Variants in GPM6A observed in about 807,000 individuals in gnomAD.
The protein encoded by GPM6A is glycoprotein M6A.
A neutral mutation model predicts 32.1 loss-of-function variants in GPM6A; 7 were observed. The ratio of observed to expected loss-of-function variants is 0.22; its 90% CI spans 0.12 to 0.41. The LOEUF is 0.41. GPM6A is among the 10% of genes least tolerant of loss of function. The pLI is 1.00. For synonymous variants in GPM6A, 130 were observed against 123.4 expected (o/e 1.05, Z -0.35); for missense variants, 235 against 347.2 (o/e 0.68, Z 2.57).
intron 1 of GPM6A, among the ~76,000 whole-genome samples, chr4:175,918,374 G>GA (rs1433129260): frequency 3.9e-5 from 6 of 151,930 alleles, no homozygotes; most frequent in Non-Finnish European, 7.4e-5. Context: ...GGCTTTAGGA[G>GA]AAAAAATAGA....
intron 1 of GPM6A, among the ~76,000 whole-genome samples, chr4:175,880,842 T>A (rs1336148621): frequency 6.6e-6 from 1 of 152,200 alleles, no homozygotes; most frequent in Non-Finnish European, 1.5e-5. Flanking sequence ...CAGGGACAAT[T>A]TGACTTCCTC....
At chr4:175,697,238 T>G (rs946344654) in intron 2 of GPM6A, among the ~76,000 whole-genome samples, 2 of 152,156 alleles carry the variant, frequency 1.3e-5, no homozygotes, top group African/African-American at 4.8e-5. Flanking sequence ...TTCTGTATGA[T>G]ATCTAATTTT....
rs530670399 is a variant in GPM6A at position 175,919,858 on chromosome 4, T to G, written c.-23+82451A>C. On this transcript the variant is annotated intron_variant, in intron 1 of 7. Transcript: ENST00000280187. ...TGCCTCAGGACTCCCCTGTAATGGATAGCTATGTAGCCCCCCAAATTTCCT... is the reference window on the plus strand; with the variant it reads ...TGCCTCAGGACTCCCCTGTAATGGAGAGCTATGTAGCCCCCCAAATTTCCT... Among the ~76,000 whole-genome samples, 50 of 152,332 alleles carry G rather than the reference T, an allele frequency of 3.3e-4. 2 individuals are homozygous for G. The highest frequency in any genetic ancestry group is 1.1e-3 in the African/African-American group (45 of 41,586).
chr4:175,891,334 A>G (rs1203580033), intron 1 of GPM6A: 3 of 152,162 alleles, frequency 2.0e-5, no homozygotes, highest in African/African-American at 7.2e-5. Flanking sequence ...TTACAGCTTT[A>G]GTTTTATCCT....
chr4:175,812,303 T>TG, upstream of GPM6A: 1 of 953,814 alleles, frequency 1.0e-6, no homozygotes, highest in Non-Finnish European at 1.3e-6. Flanking sequence ...AACTGGGGGT[T>TG]TTTTTTTTTT....
At chr4:175,786,612 T>A (rs924627306) in intron 1 of GPM6A, among the ~76,000 whole-genome samples, 2 of 152,122 alleles carry the variant, frequency 1.3e-5, no homozygotes, top group Non-Finnish European at 2.9e-5. Flanking sequence ...CTCAAGCACA[T>A]GAAAGCAGCT....
intron 1 of GPM6A, among the ~76,000 whole-genome samples, chr4:175,883,172 A>G (rs891573463): frequency 6.6e-6 from 1 of 152,044 alleles, no homozygotes; most frequent in Non-Finnish European, 1.5e-5. Flanking sequence ...TACTAGATTG[A>G]AACACAGGTA....
chr4:175,848,653 C>A (rs1736161130), intron 1 of GPM6A, among the ~76,000 whole-genome samples: 1 of 152,118 alleles, frequency 6.6e-6, no homozygotes, highest in African/African-American at 2.4e-5. Flanking sequence ...TGGTTTCAAT[C>A]CTGTACACGT....
At chr4:175,942,750 T>C (rs1280162683) in intron 1 of GPM6A, among the ~76,000 whole-genome samples, 1 of 152,210 alleles carries the variant, frequency 6.6e-6, no homozygotes, top group Non-Finnish European at 1.5e-5. Context: ...TCTGTTTTGG[T>C]ACCAGTACCA....
intron 3 of GPM6A, among the ~76,000 whole-genome samples, chr4:175,660,151 G>A (rs13129656): frequency 0.14 from 20,796 of 152,098 alleles, 1,829 homozygotes; most frequent in Non-Finnish European, 0.19. Flanking sequence ...TGTAATCCCA[G>A]CAATTTGGGA....
intron 2 of GPM6A, among the ~76,000 whole-genome samples, chr4:175,695,456 T>C (rs1744525630): frequency 6.6e-6 from 1 of 152,202 alleles, no homozygotes; most frequent in Admixed American, 6.5e-5. Context: ...GTGCCCAAGA[T>C]GTGAGACACG....
chr4:175,866,559 C>T (rs1318369014), intron 1 of GPM6A, among the ~76,000 whole-genome samples: 1 of 152,036 alleles, frequency 6.6e-6, no homozygotes, highest in Non-Finnish European at 1.5e-5. Context: ...TAATTATATA[C>T]ATTTAAGGAT....
At chr4:175,735,471 TA>T (rs1245781711) in intron 1 of GPM6A, among the ~76,000 whole-genome samples, 2 of 152,168 alleles carry the variant, frequency 1.3e-5, no homozygotes, top group African/African-American at 4.8e-5. Flanking sequence ...GATATCACTG[TA>T]AAATTTTTTT....
intron 1 of GPM6A, among the ~76,000 whole-genome samples, chr4:175,760,700 G>A (rs760691062): frequency 1.3e-5 from 2 of 151,976 alleles, no homozygotes; most frequent in Non-Finnish European, 2.9e-5. Context: ...AGAGCTCCCT[G>A]AGTAGTGAAT....
At chr4:175,995,376 T>TAAAAAAA (rs10541049) in intron 1 of GPM6A, among the ~76,000 whole-genome samples, 1 of 96,300 alleles carries the variant, frequency 1.0e-5, no homozygotes, top group Non-Finnish European at 2.1e-5. Context: ...TTTCAATTTG[T>TAAAAAAA]AAAAAAAAAA....
At position 175,757,426 on chromosome 4, in the gene GPM6A, C is replaced by T. The variant is rs138118541; in HGVS notation, c.37+54765G>A. Among the ~76,000 whole-genome samples the T allele has an allele frequency of 2.0e-5, 3 of 152,256 alleles. No homozygotes were observed. In the East Asian group the frequency reaches 5.8e-4, roughly 29 times the overall value. On this transcript the variant is annotated intron_variant, in intron 1 of 6. Coordinates refer to ENST00000393658, the MANE Select transcript of GPM6A (RefSeq NM_201591.3). ...GTCTAGCCAAGCCACTCCCAAATTC[C>T]CGGCCCACAGTAATCGTGGGATATA...
chr4:175,782,082 G>C (rs1733634128), intron 1 of GPM6A, among the ~76,000 whole-genome samples: 1 of 152,058 alleles, frequency 6.6e-6, no homozygotes, highest in Admixed American at 6.6e-5. Flanking sequence ...ACTGAATCAT[G>C]GTAAGGCTCT....
intron 2 of GPM6A, among the ~76,000 whole-genome samples, chr4:175,684,711 C>T (rs1743876562): frequency 6.6e-6 from 1 of 152,012 alleles, no homozygotes; most frequent in African/African-American, 2.4e-5. Flanking sequence ...CTGTTCGGTC[C>T]TTTCCATTCT....
chr4:175,753,836 A>C (rs1732428983), intron 1 of GPM6A, among the ~76,000 whole-genome samples: 1 of 152,112 alleles, frequency 6.6e-6, no homozygotes. Flanking sequence ...GTTAATGTCC[A>C]ACAATTTGAT....
Sources: gnomAD v4.1 joint callset for allele counts (sites outside exome capture counted in the v4.1 genomes callset) on GRCh38, gnomAD v4.1.1 for gene constraint, MANE v1.5 for transcripts, NCBI Gene and HGNC (gene_info 2026-07-23, HGNC 2026-07-21) for gene names.